Variants in OSBPL10 observed in about 807,000 individuals in gnomAD.
The protein encoded by OSBPL10 is oxysterol binding protein like 10.
A neutral mutation model predicts 81.7 loss-of-function variants in OSBPL10; 49 were observed. The ratio of observed to expected loss-of-function variants is 0.60; its 90% CI spans 0.48 to 0.76. The LOEUF (loss-of-function observed/expected upper bound fraction) is 0.76, where lower values mean the gene tolerates loss of function less well. OSBPL10 is among the 30% of genes least tolerant of loss of function. The pLI, the probability that OSBPL10 is intolerant of heterozygous loss-of-function variation, is 0.00. For synonymous variants in OSBPL10, 419 were observed against 383.6 expected, an observed-to-expected ratio of 1.09 and a Z score of -1.08; for missense variants, 923 against 987.8, an observed-to-expected ratio of 0.93 and a Z score of 0.88.
intron 4 of OSBPL10, among the ~76,000 whole-genome samples, chr3:31,817,553 T>TGCACCCGCACCC (rs146600462): frequency 1.3e-4 from 2 of 15,034 alleles, no homozygotes; most frequent in African/African-American, 1.6e-4. Context: ...CGGCTGCAGC[T>TGCACCCGCACCC]GCACCCACAC....
rs1019068251 is a variant in OSBPL10 at position 31,746,331 on chromosome 3, G to A, written c.940+1579C>T. Among the ~76,000 whole-genome samples the A allele has an allele frequency of 5.3e-5, 8 of 152,076 alleles. No homozygotes were observed. The South Asian group carries it at 8.3e-4, about 16-fold the overall frequency. On this transcript the variant is annotated intron_variant, in intron 5 of 11. Coordinates refer to ENST00000396556, the MANE Select transcript of OSBPL10 (RefSeq NM_017784.5). ...GTGCGTTGTCTGTCATCCGAGAGTC[G>A]CTGGGTATAATGTGGTGGCCTCAAC...
At chr3:31,683,527 T>TA in intron 8 of OSBPL10, 107 bp downstream of exon 8, 1 of 1,470,060 alleles carries the variant, frequency 6.8e-7, no homozygotes. Flanking sequence ...CAAAACCAGT[T>TA]AAAAACAACA....
chr3:31,866,206 C>G (rs1369163294), intron 3 of OSBPL10, among the ~76,000 whole-genome samples: 1 of 152,182 alleles, frequency 6.6e-6, no homozygotes, highest in Non-Finnish European at 1.5e-5. Context: ...GAATTCCCCA[C>G]TCCTGTCTCC....
At chr3:31,911,042 T>C (rs189988731) in intron 1 of OSBPL10, among the ~76,000 whole-genome samples, 13 of 152,174 alleles carry the variant, frequency 8.5e-5, no homozygotes, top group African/African-American at 2.9e-4. Flanking sequence ...CAGGGCAGGG[T>C]TCCATATTAA....
chr3:31,934,715 C>T (rs1246732209), intron 1 of OSBPL10, among the ~76,000 whole-genome samples: 1 of 152,008 alleles, frequency 6.6e-6, no homozygotes, highest in Non-Finnish European at 1.5e-5. Context: ...TATATTACTA[C>T]ATTTCTATTC....
chr3:32,042,914 G>T lies in OSBPL10; in HGVS notation n.298+3577C>A, dbSNP rs1290673659. ...AAAGGGCAAAAGCAAAGATCACAAG[G>T]CAAAGGGCAAAAGCAGAATTACTGA... is the stretch of plus-strand genomic sequence containing the variant. On this transcript the variant is annotated intron_variant and non_coding_transcript_variant, in intron 2 of 3. Transcript: ENST00000479173. 2.0e-5 allele frequency among the ~76,000 whole-genome samples: 3 copies of T among 152,078 alleles called. No homozygotes were observed. The East Asian group carries it at 5.8e-4, about 29-fold the overall frequency.
intron 4 of OSBPL10, among the ~76,000 whole-genome samples, chr3:31,761,042 G>A (rs372897600): frequency 6.6e-6 from 1 of 151,972 alleles, no homozygotes; most frequent in East Asian, 1.9e-4. Flanking sequence ...TCTCAGTCGT[G>A]TGTGAGCTGT....
At chr3:31,664,578 A>G (rs1575460708) in intron 10 of OSBPL10, 2 of 388,348 alleles carry the variant, frequency 5.2e-6, no homozygotes, top group Middle Eastern at 7.6e-4. Context: ...AGCATTTTAC[A>G]TACATAAACC....
chr3:31,886,986 A>C (rs1469360989), intron 1 of OSBPL10, among the ~76,000 whole-genome samples: 7 of 151,378 alleles, frequency 4.6e-5, no homozygotes, highest in Non-Finnish European at 8.8e-5. Flanking sequence ...TTACTACCTG[A>C]CTCTTCCAGA....
chr3:31,809,869 CTT>C (rs34795137), intron 4 of OSBPL10, among the ~76,000 whole-genome samples: 6 of 98,626 alleles, frequency 6.1e-5, no homozygotes, highest in Non-Finnish European at 5.5e-5. Flanking sequence ...CCCCCTGACT[CTT>C]TTTTTTTTTT....
intron 1 of OSBPL10, among the ~76,000 whole-genome samples, chr3:31,891,900 C>T (rs1056503887): frequency 2.6e-5 from 4 of 152,106 alleles, no homozygotes; most frequent in Admixed American, 2.6e-4. Flanking sequence ...AGAATTCACT[C>T]ATTTGTTTTC....
intron 1 of OSBPL10, among the ~76,000 whole-genome samples, chr3:32,052,976 A>AG (rs1179856892): frequency 6.6e-6 from 1 of 151,574 alleles, no homozygotes; most frequent in Non-Finnish European, 1.5e-5. Context: ...CAATCAAAAA[A>AG]AAATTGATTG....
chr3:31,703,363 A>T (rs1695959019), intron 6 of OSBPL10, among the ~76,000 whole-genome samples: 3 of 152,250 alleles, frequency 2.0e-5, no homozygotes, highest in Admixed American at 2.0e-4. Flanking sequence ...GCTTACATAT[A>T]AGCAAAAGCA....
chr3:31,748,936 C>A (rs1294025778), intron 4 of OSBPL10, among the ~76,000 whole-genome samples: 1 of 152,152 alleles, frequency 6.6e-6, no homozygotes, highest in Non-Finnish European at 1.5e-5. Context: ...TTTATAACAT[C>A]CCATTAAACA....
intron 4 of OSBPL10, among the ~76,000 whole-genome samples, chr3:31,773,292 A>G (rs1019334173): frequency 1.3e-5 from 2 of 152,168 alleles, no homozygotes; most frequent in Non-Finnish European, 2.9e-5. Context: ...TATCTGACAT[A>G]AATATTTTCT....
At chr3:31,718,320 G>C (rs1337829171) in intron 6 of OSBPL10, 1 of 152,116 alleles carries the variant, frequency 6.6e-6, no homozygotes, top group African/African-American at 2.4e-5. Flanking sequence ...GTAGAGACAG[G>C]GTTTCACTGT....
At chr3:31,987,002 A>G (rs1446317575) in intron 2 of OSBPL10, among the ~76,000 whole-genome samples, 1 of 152,080 alleles carries the variant, frequency 6.6e-6, no homozygotes, top group Non-Finnish European at 1.5e-5. Flanking sequence ...GCAAGACCCT[A>G]TCTCAAAAAA....
chr3:31,761,699 C>T (rs1041099578), intron 4 of OSBPL10, among the ~76,000 whole-genome samples: 1 of 150,896 alleles, frequency 6.6e-6, no homozygotes. Context: ...CAATTGACAC[C>T]AGCTAATCCA....
At chr3:31,883,657 G>A (rs796864838) in intron 1 of OSBPL10, among the ~76,000 whole-genome samples, 37 of 151,078 alleles carry the variant, frequency 2.4e-4, no homozygotes, top group Non-Finnish European at 2.5e-4. Context: ...TCAGCCTCCC[G>A]AGTAGCTGAG....
Sources: gnomAD v4.1 joint callset for allele counts (sites outside exome capture counted in the v4.1 genomes callset) on GRCh38, gnomAD v4.1.1 for gene constraint, MANE v1.5 for transcripts, NCBI Gene and HGNC (gene_info 2026-07-23, HGNC 2026-07-21) for gene names.